The following MAP2 variants were observed in gnomAD, a reference collection of about 807,000 sequenced individuals.
MAP2 encodes the protein microtubule-associated protein 2.
In MAP2, 14 loss-of-function variants were observed where a neutral mutation model predicts 137.6. The observed-to-expected ratio is 0.10, with a 90% CI of 0.07 to 0.16. MAP2 has a LOEUF of 0.16. MAP2 is among the 10% of genes least tolerant of loss of function. The pLI is 1.00. For missense variants in MAP2, 2,088 were observed against 2,191.5 expected (o/e 0.95, Z 0.94); for synonymous variants, 786 against 782.3 (o/e 1.00, Z -0.08).
At chr2:209,702,416 G>A (rs1040062009) in intron 11 of MAP2, among the ~76,000 whole-genome samples, 4 of 151,194 alleles carry the variant, frequency 2.6e-5, no homozygotes, top group East Asian at 3.9e-4. Context: ...ATTTGATTTA[G>A]CTCTAATGTT....
intron 1 of MAP2, among the ~76,000 whole-genome samples, chr2:209,475,765 A>G (rs538315852): frequency 3.3e-5 from 5 of 152,168 alleles, no homozygotes; most frequent in Non-Finnish European, 7.4e-5. Context: ...CTTTAACACT[A>G]TGTAATTATG....
chr2:209,674,496 T>C (rs2050335039), intron 5 of MAP2, among the ~76,000 whole-genome samples: 1 of 151,752 alleles, frequency 6.6e-6, no homozygotes, highest in East Asian at 1.9e-4. Flanking sequence ...TTTCATAGTA[T>C]GAAATAACTA....
intron 5 of MAP2, among the ~76,000 whole-genome samples, chr2:209,656,547 C>CT (rs60583349): frequency 0.017 from 2,547 of 151,974 alleles, 77 homozygotes; most frequent in African/African-American, 0.058. Context: ...ATTTTGTCCC[C>CT]TTTTTTATGA....
chr2:209,578,907 G>A (rs891120868), intron 2 of MAP2, among the ~76,000 whole-genome samples: 8 of 28,518 alleles, frequency 2.8e-4, no homozygotes, highest in African/African-American at 3.2e-4. Flanking sequence ...ATCACATATC[G>A]GCCCTGGTTT....
chr2:209,594,761 G>C (rs908381061), intron 3 of MAP2, among the ~76,000 whole-genome samples: 1 of 151,986 alleles, frequency 6.6e-6, no homozygotes, highest in African/African-American at 2.4e-5. Flanking sequence ...TTTACCTCTA[G>C]TATTTACTAC....
intron 12 of MAP2, 21 bp from the exon 13 acceptor site, chr2:209,709,893 T>C (rs772665405): frequency 3.8e-6 from 6 of 1,586,894 alleles, no homozygotes; most frequent in Non-Finnish European, 8.6e-7. Flanking sequence ...GGTTTGGTTT[T>C]GGTCTTGCTT....
chr2:209,695,060 C>G lies in MAP2; in HGVS notation c.2890C>G (p.Leu964Val). Residue 964 changes from leucine to valine, a missense_variant, in exon 8 of 16, where the codon CTA becomes GTA. By Grantham distance (32) the Leu-to-Val change is conservative. Coordinates refer to ENST00000682079, the MANE Select transcript of MAP2 (RefSeq NM_001375505.1). ...AGCTAATGATAGGTTGGATACTGTA[C>G]TAGAAAAGAGTGAAGAACATGCTGA... is the stretch of plus-strand genomic sequence containing the variant. The part of the protein sequence containing the change: ...KKANDRLDTV[L>V]EKSEEHADSK... The G allele has an allele frequency of 6.2e-7, 1 of 1,614,038 alleles. No homozygotes were observed. Among genetic ancestry groups the G allele is most frequent in the East Asian group, 2.2e-5 (1 of 44,844 alleles).
intron 1 of MAP2, among the ~76,000 whole-genome samples, chr2:209,455,082 C>T (rs541777948): frequency 2.0e-5 from 3 of 152,138 alleles, no homozygotes; most frequent in African/African-American, 7.2e-5. Flanking sequence ...GAGGACCTCA[C>T]CCTGATTAAC....
At chr2:209,638,326 C>T (rs1023007647) in intron 4 of MAP2, among the ~76,000 whole-genome samples, 1 of 152,094 alleles carries the variant, frequency 6.6e-6, no homozygotes, top group Admixed American at 6.6e-5. Flanking sequence ...AAGGGAATTT[C>T]AGATGACAAG....
intron 13 of MAP2, 126 bp from the exon 14 acceptor site, chr2:209,725,583 C>A: frequency 2.1e-6 from 1 of 484,682 alleles, no homozygotes; most frequent in South Asian, 4.5e-5. Flanking sequence ...GTGTGTACTT[C>A]AATTTGGGTT....
intron 1 of MAP2, among the ~76,000 whole-genome samples, chr2:209,499,204 G>A (rs2060101437): frequency 6.6e-6 from 1 of 152,128 alleles, no homozygotes. Context: ...CAGATATGCT[G>A]TATAGTCACC....
At chr2:209,472,670 A>G (rs1431589808) in intron 1 of MAP2, among the ~76,000 whole-genome samples, 1 of 152,112 alleles carries the variant, frequency 6.6e-6, no homozygotes, top group African/African-American at 2.4e-5. Context: ...TGCCCCCTTA[A>G]ACCTTGAGGG....
intron 3 of MAP2, among the ~76,000 whole-genome samples, chr2:209,617,948 A>G (rs541883968): frequency 8.6e-4 from 131 of 152,336 alleles, no homozygotes; most frequent in African/African-American, 2.4e-3. Flanking sequence ...AGTAGTTTAC[A>G]TATTTAATAA....
intron 1 of MAP2, among the ~76,000 whole-genome samples, chr2:209,502,642 T>C (rs561697018): frequency 3.9e-5 from 6 of 152,336 alleles, no homozygotes; most frequent in South Asian, 2.1e-4. Context: ...GTTCCCTTTT[T>C]AATTTCTTGA....
chr2:209,462,045 A>G (rs763589959), intron 1 of MAP2, among the ~76,000 whole-genome samples: 4 of 152,092 alleles, frequency 2.6e-5, no homozygotes, highest in African/African-American at 4.8e-5. Flanking sequence ...GAGTCATCAC[A>G]CTTATCAAAA....
chr2:209,709,965 C>A lies in MAP2; in HGVS notation c.4784C>A (p.Thr1595Asn). 1 of 1,613,958 alleles carries A rather than the reference C, an allele frequency of 6.2e-7. No individual in the cohort carries two copies. The highest frequency in any genetic ancestry group is 8.5e-7 in the Non-Finnish European group (1 of 1,179,956). Reference sequence around the variant, plus strand: ...AAGAGTGGTACCTCAACACCCACTACCCCTGGGTCTACTGCCATCACTCCT... The same window carrying A: ...AAGAGTGGTACCTCAACACCCACTAACCCTGGGTCTACTGCCATCACTCCT... ...AGKSGTSTPT[T>N]PGSTAITPGT... Residue 1595 changes from threonine (T) to asparagine (N), a missense_variant, in exon 13 of 16, where the codon ACC (threonine) becomes AAC (asparagine). This residue lies in a region of MAP2 where 591 missense variants were observed against 642.6 expected (regional missense o/e 0.92). Transcript: ENST00000682079.
At chr2:209,585,139 G>A (rs2077388435) in intron 3 of MAP2, among the ~76,000 whole-genome samples, 1 of 151,902 alleles carries the variant, frequency 6.6e-6, no homozygotes, top group African/African-American at 2.4e-5. Context: ...TTTAGGGAGG[G>A]AGGGCGTGGG....
At chr2:209,447,180 A>G (rs1387075651) in intron 1 of MAP2, among the ~76,000 whole-genome samples, 2 of 152,024 alleles carry the variant, frequency 1.3e-5, no homozygotes, top group East Asian at 3.9e-4. Flanking sequence ...CTGGACTAAA[A>G]CATCCTTTTT....
chr2:209,628,944 G>A (rs995028974), intron 4 of MAP2, among the ~76,000 whole-genome samples: 17 of 152,160 alleles, frequency 1.1e-4, no homozygotes, highest in Admixed American at 3.3e-4. Context: ...AGTGATAGTC[G>A]TTGCCCTTTT....
Sources: gnomAD v4.1 joint callset for allele counts (sites outside exome capture counted in the v4.1 genomes callset) on GRCh38, gnomAD v4.1.1 for gene constraint, gnomAD v4.1.1 regional missense constraint, MANE v1.5 for transcripts, NCBI Gene and HGNC (gene_info 2026-07-23, HGNC 2026-07-21) for gene names.